E2F6: variants seen among roughly 807,000 people sequenced by gnomAD.
E2F6 encodes the protein transcription factor E2F6.
A neutral mutation model predicts 31.5 loss-of-function variants in E2F6; 19 were observed. The ratio of observed to expected loss-of-function variants is 0.60; its 90% CI spans 0.42 to 0.89. The LOEUF is 0.89. Among genes scored for constraint, E2F6 ranks in the 40% least tolerant of loss-of-function variants. The pLI, the probability that E2F6 is intolerant of heterozygous loss-of-function variation, is 0.00. For synonymous variants in E2F6, 121 were observed against 127.7 expected (o/e 0.95, Z 0.36); for missense variants, 269 against 341.6 (o/e 0.79, Z 1.67).
At chr2:11,450,536 GC>G (rs1171777889) in intron 4 of E2F6, among the ~76,000 whole-genome samples, 5 of 152,000 alleles carry the variant, frequency 3.3e-5, no homozygotes, top group African/African-American at 1.2e-4. Flanking sequence ...AACACTCAGG[GC>G]TTTGACAAGA....
intron 3 of E2F6, among the ~76,000 whole-genome samples, chr2:11,452,789 A>G (rs542370831): frequency 2.0e-5 from 3 of 152,346 alleles, no homozygotes; most frequent in East Asian, 1.9e-4. Context: ...GTGATTCACA[A>G]TGCATGCCGA....
chr2:11,465,860 G>C lies in E2F6; in HGVS notation c.20C>G (p.Ala7Gly), dbSNP rs946346180. 1 of 1,566,170 alleles carries C rather than the reference G, an allele frequency of 6.4e-7. No individual in the cohort carries two copies. The highest frequency in any genetic ancestry group is 1.2e-5 in the South Asian group (1 of 85,218). The change falls in exon 1 of 7, where the codon GCG becomes GGG. Residue 7 changes from alanine (A) to glycine (G), a missense_variant. Transcript: ENST00000381525. ...CAGGAGGAGACTGGGTAACTTCCTC[G>C]CCGGCCGCTGCTGACTCATGCTGCC... is the stretch of plus-strand genomic sequence containing the variant. The part of the protein sequence containing the change: MSQQRP[A>G]RKLPSLLLDP...
chr2:11,458,655 C>G (rs1220033418), intron 1 of E2F6, among the ~76,000 whole-genome samples: 1 of 152,130 alleles, frequency 6.6e-6, no homozygotes, highest in African/African-American at 2.4e-5. Flanking sequence ...AATGAGGAAG[C>G]CTGAAGGCAA....
At chr2:11,447,965 T>G (rs778848930) in intron 5 of E2F6, among the ~76,000 whole-genome samples, 191 bp from the exon 6 acceptor site, 29 of 152,330 alleles carry the variant, frequency 1.9e-4, no homozygotes, top group Non-Finnish European at 3.1e-4. Flanking sequence ...AGCTATCATG[T>G]GAAAACCTCA....
chr2:11,449,965 G>A (rs372597615), intron 5 of E2F6, 47 bp downstream of exon 5: 91 of 1,443,118 alleles, frequency 6.3e-5, no homozygotes, highest in Non-Finnish European at 8.1e-5. Flanking sequence ...CTAAGCAGTC[G>A]GCCCTCATCC....
Position 11,451,636 on chromosome 2 carries a change from A to G in E2F6, c.536+15T>C, listed in dbSNP as rs746297039. 4 of 1,602,402 alleles carry G rather than the reference A, an allele frequency of 2.5e-6. No homozygotes were observed. The highest frequency in any genetic ancestry group is 1.7e-6 in the Non-Finnish European group (2 of 1,175,428). ...GGAAGCAGAAATTTTAAAAAGGTAT[A>G]GACTTAAAGGATATCTTTCATTTTC... On this transcript the variant is annotated intron_variant, in intron 4 of 6. Coordinates refer to ENST00000381525, the MANE Select transcript of E2F6 (RefSeq NM_198256.4).
At chr2:11,457,649 T>C (rs1036733627) in intron 1 of E2F6, among the ~76,000 whole-genome samples, 2 of 151,952 alleles carry the variant, frequency 1.3e-5, no homozygotes, top group African/African-American at 4.8e-5. Flanking sequence ...CAAAAAAACA[T>C]GCACACACAC....
chr2:11,445,370 T>C lies in E2F6; in HGVS notation c.*1107A>G, dbSNP rs935753869. The C allele has an allele frequency of 2.6e-5, 4 of 152,646 alleles. No homozygotes were observed. Among genetic ancestry groups the C allele is most frequent in the Admixed American group, 1.3e-4 (2 of 15,292 alleles). The allele number at this position is 152,646 out of a possible 1,614,324, so 9.5% of individuals were successfully genotyped here. A position where few individuals can be genotyped will look rare whatever the true frequency, so the allele number is the denominator to read the frequency against. On this transcript the variant is annotated 3_prime_UTR_variant, in exon 7 of 7. Coordinates refer to ENST00000381525, the MANE Select transcript of E2F6 (RefSeq NM_198256.4). The stretch of plus-strand genomic sequence containing the variant: ...AGGCACTGGGATGTAACAGTGATTA[T>C]GACAAAGTCCCTCAAGGAGCTCACA...
chr2:11,459,027 C>T (rs1307234980), intron 1 of E2F6, among the ~76,000 whole-genome samples: 1 of 152,020 alleles, frequency 6.6e-6, no homozygotes, highest in Non-Finnish European at 1.5e-5. Flanking sequence ...ACTGCCATTG[C>T]TATTTTTACA....
At chr2:11,462,667 G>GTT (rs1558463690) in intron 1 of E2F6, among the ~76,000 whole-genome samples, 8 of 152,170 alleles carry the variant, frequency 5.3e-5, no homozygotes. Context: ...CACAAGCACC[G>GTT]TGACAGTTGG....
At chr2:11,455,876 CTT>C (rs1183749550) in intron 2 of E2F6, among the ~76,000 whole-genome samples, 2 of 152,130 alleles carry the variant, frequency 1.3e-5, no homozygotes, top group Non-Finnish European at 2.9e-5. Context: ...GGGAAGGCCT[CTT>C]GATGGGAGTA....
At chr2:11,460,112 T>C (rs959448507) in intron 1 of E2F6, among the ~76,000 whole-genome samples, 1 of 152,064 alleles carries the variant, frequency 6.6e-6, no homozygotes, top group Non-Finnish European at 1.5e-5. Flanking sequence ...TATACTTTAT[T>C]GTGTAGCTTT....
Position 11,465,783 on chromosome 2 carries a change from C to G in E2F6, c.97G>C (p.Glu33Gln). Residue 33 changes from glutamate (E) to glutamine (Q), a missense_variant, in exon 1 of 7, where the codon GAG becomes CAG. Coordinates refer to ENST00000381525, the MANE Select transcript of E2F6 (RefSeq NM_198256.4). ...RRRCRDPINVEGLLPSKIRIN... is the reference protein window; with the variant it reads ...RRRCRDPINVQGLLPSKIRIN... ...GTCCCGGAGCTTACCAGCAGGCCCTCCACGTTGATGGGGTCTCGGCACCGA... is the reference window on the plus strand; with the variant it reads ...GTCCCGGAGCTTACCAGCAGGCCCTGCACGTTGATGGGGTCTCGGCACCGA... 6.3e-7 allele frequency: 1 copy of G among 1,597,340 alleles called. No individual in the cohort carries two copies. The highest frequency in any genetic ancestry group is 8.5e-7 in the Non-Finnish European group (1 of 1,172,874).
In E2F6 at chr2:11,453,797, T is replaced by C. The variant is rs1671223137; in HGVS notation, c.165A>G (p.Lys55=). ...EDNVQYVSMR[K]ALKVKRPRFD... ...AACGAGGTCTCTTCACTTTTAGAGC[T>C]TCTGGGAAACAAAATAAACATATTT... Residue 55 remains lysine (K), a splice_region_variant and synonymous_variant, in exon 3 of 7, where the codon AAA becomes AAG. Transcript: ENST00000381525. The C allele has an allele frequency of 2.5e-6, 4 of 1,608,390 alleles. No individual in the cohort carries two copies. Among genetic ancestry groups the C allele is most frequent in the Non-Finnish European group, 3.4e-6 (4 of 1,177,920 alleles).
At chr2:11,452,252 T>C (rs1420489316) in intron 3 of E2F6, among the ~76,000 whole-genome samples, 2 of 152,204 alleles carry the variant, frequency 1.3e-5, no homozygotes, top group African/African-American at 4.8e-5. Context: ...GTCTGTATCT[T>C]TCCCTAGTGT....
chr2:11,454,222 T>C (rs985043939), intron 2 of E2F6, among the ~76,000 whole-genome samples: 1 of 152,174 alleles, frequency 6.6e-6, no homozygotes, highest in African/African-American at 2.4e-5. Flanking sequence ...AATTGGCGGC[T>C]TTTTTTCCCC....
intron 1 of E2F6, among the ~76,000 whole-genome samples, chr2:11,458,814 A>T (rs1475051916): frequency 1.3e-5 from 2 of 152,148 alleles, no homozygotes; most frequent in Non-Finnish European, 2.9e-5. Context: ...TCCCACTGTA[A>T]AATTAATTTA....
chr2:11,461,992 TA>T (rs1671808808), intron 1 of E2F6, among the ~76,000 whole-genome samples: 2 of 152,254 alleles, frequency 1.3e-5, no homozygotes, highest in East Asian at 3.8e-4. Flanking sequence ...TTTGCATATC[TA>T]TAAACAGTTT....
At chr2:11,453,560 A>G (rs757455432) in intron 3 of E2F6, 22 bp downstream of exon 3, 1 of 1,610,744 alleles carries the variant, frequency 6.2e-7, no homozygotes, top group Admixed American at 1.7e-5. Flanking sequence ...AAAAGCCACG[A>G]AAAAGTTTGA....
Sources: allele counts gnomAD v4.1 joint callset (sites outside exome capture counted in the v4.1 genomes callset), GRCh38; gene constraint gnomAD v4.1.1; transcripts MANE v1.5; gene names NCBI Gene and HGNC (gene_info 2026-07-23, HGNC 2026-07-21).